STAU2: variants seen among roughly 807,000 people sequenced by gnomAD.
STAU2 encodes staufen double-stranded RNA binding protein 2, also known as double-stranded RNA-binding protein Staufen homolog 2.
In STAU2, 20 loss-of-function variants were observed where a neutral mutation model predicts 65.9. That is an observed-to-expected ratio of 0.30 (90% CI 0.21 to 0.44). The LOEUF is 0.44. Among genes scored for constraint, STAU2 ranks in the 20% least tolerant of loss-of-function variants. The probability of loss-of-function intolerance (pLI) is 1.00; values close to 1 mark genes in which losing one functional copy is unlikely to be tolerated. For synonymous variants in STAU2, 232 were observed against 233.9 expected (o/e 0.99, Z 0.07); for missense variants, 558 against 683.9 (o/e 0.82, Z 2.05).
At chr8:73,425,799 C>G (rs774404414) in intron 13 of STAU2, among the ~76,000 whole-genome samples, 1 of 151,952 alleles carries the variant, frequency 6.6e-6, no homozygotes, top group African/African-American at 2.4e-5. Flanking sequence ...TTTTTTTTCT[C>G]TCTTTTTTTT....
At chr8:73,615,131 AT>A (rs1812737566) in intron 8 of STAU2, among the ~76,000 whole-genome samples, 1 of 152,130 alleles carries the variant, frequency 6.6e-6, no homozygotes, top group African/African-American at 2.4e-5. Context: ...AAGAAGTATT[AT>A]AATAATTATT....
intron 3 of STAU2, among the ~76,000 whole-genome samples, chr8:73,730,200 G>A (rs945894182): frequency 6.6e-6 from 1 of 152,042 alleles, no homozygotes; most frequent in African/African-American, 2.4e-5. Flanking sequence ...CATCATTTAA[G>A]TCACATATAT....
intron 13 of STAU2, among the ~76,000 whole-genome samples, chr8:73,508,041 G>A (rs1299953616): frequency 1.3e-5 from 2 of 152,124 alleles, no homozygotes; most frequent in Non-Finnish European, 2.9e-5. Flanking sequence ...CTTCTGTCCA[G>A]ACCACCTGAA....
chr8:73,746,658 A>C, intron 1 of STAU2, 125 bp downstream of exon 1: 3 of 507,248 alleles, frequency 5.9e-6, no homozygotes, highest in Non-Finnish European at 5.9e-6. Context: ...GGAGGCCGCG[A>C]AGGGGGCTGC....
intron 13 of STAU2, among the ~76,000 whole-genome samples, chr8:73,513,717 A>T (rs549896093): frequency 6.6e-6 from 1 of 152,280 alleles, no homozygotes; most frequent in African/African-American, 2.4e-5. Flanking sequence ...CCTCAGGTTC[A>T]CTGAGTTGCT....
chr8:73,463,367 C>T (rs1585808171), intron 13 of STAU2, among the ~76,000 whole-genome samples: 1 of 152,208 alleles, frequency 6.6e-6, no homozygotes, highest in Non-Finnish European at 1.5e-5. Context: ...AAACTGTATT[C>T]CCCATATCTA....
At chr8:73,530,963 A>C (rs952999039) in intron 13 of STAU2, among the ~76,000 whole-genome samples, 3 of 152,214 alleles carry the variant, frequency 2.0e-5, no homozygotes, top group African/African-American at 7.2e-5. Flanking sequence ...CATGGTGTAC[A>C]TGGAAAAGCA....
intron 3 of STAU2, among the ~76,000 whole-genome samples, chr8:73,709,692 T>C (rs570168368): frequency 1.1e-4 from 16 of 152,162 alleles, no homozygotes; most frequent in Non-Finnish European, 2.4e-4. Flanking sequence ...TCTGTTTTTT[T>C]AAATAAATTT....
rs188165847 is a variant in STAU2, at chr8:73,469,213, T to C, written c.1531-46511A>G. On this transcript the variant is annotated intron_variant, in intron 13 of 14. Coordinates refer to ENST00000524300, the MANE Select transcript of STAU2 (RefSeq NM_001164380.2). ...AGCAAACTATCACAAGGACAAAAAATCAAACACCGCATGTTCTCACTCATA... is the reference window on the plus strand; with the variant it reads ...AGCAAACTATCACAAGGACAAAAAACCAAACACCGCATGTTCTCACTCATA... 4.4e-3 allele frequency among the ~76,000 whole-genome samples: 665 copies of C among 151,682 alleles called. 7 individuals are homozygous for C. The highest frequency in any genetic ancestry group is 0.015 in the African/African-American group (623 of 41,330).
At chr8:73,678,336 A>T (rs1818159804) in intron 5 of STAU2, among the ~76,000 whole-genome samples, 1 of 152,058 alleles carries the variant, frequency 6.6e-6, no homozygotes, top group Non-Finnish European at 1.5e-5. Flanking sequence ...CCTACTAGTC[A>T]TTTACCTGCT....
intron 13 of STAU2, among the ~76,000 whole-genome samples, chr8:73,469,195 T>C (rs1819833422): frequency 6.6e-6 from 1 of 152,044 alleles, no homozygotes; most frequent in Non-Finnish European, 1.5e-5. Context: ...CTCAGCAAAC[T>C]ATCACAAGGA....
intron 13 of STAU2, chr8:73,550,956 C>G (rs1807291578): frequency 1.0e-6 from 1 of 985,240 alleles, no homozygotes; most frequent in Non-Finnish European, 1.2e-6. Flanking sequence ...CATGATCATT[C>G]TACACAATAC....
intron 1 of STAU2, among the ~76,000 whole-genome samples, chr8:73,744,436 C>T (rs531378971): frequency 1.6e-3 from 231 of 144,862 alleles, no homozygotes; most frequent in Non-Finnish European, 2.3e-3. Context: ...CAGCACTGAA[C>T]GTGCACAAAA....
chr8:73,575,076 GAGA>G, intron 12 of STAU2, among the ~76,000 whole-genome samples: 1 of 145,630 alleles, frequency 6.9e-6, no homozygotes, highest in East Asian at 2.0e-4. Context: ...AAAGAAAACA[GAGA>G]AGAATTTTCA....
At position 73,422,675 on chromosome 8, in the gene STAU2, A is replaced by T; in HGVS notation, c.1558T>A (p.Ser520Thr). 1 of 1,506,578 alleles carries T rather than the reference A, an allele frequency of 6.6e-7. No homozygotes were observed. The highest frequency in any genetic ancestry group is 8.8e-7 in the Non-Finnish European group (1 of 1,135,410). 93.3% of individuals were successfully genotyped at this position (1,506,578 alleles called of 1,614,324 possible). The part of the protein sequence containing the change: ...QAALSALKQF[S>T]EQGLDPIDGA... ...TCGATTGGATCCAGTCCTTGTTCAG[A>T]AAATTGTTTCAAGGCACTTAAGGCT... is the stretch of plus-strand genomic sequence containing the variant. The change falls in exon 14 of 15, where the codon TCT becomes ACT. Residue 520 changes from serine (S) to threonine (T), a missense_variant. Ser to Thr is a moderately conservative substitution (Grantham distance 58, BLOSUM62 1). Transcript: ENST00000524300.
At chr8:73,564,756 A>G (rs1233913888) in intron 12 of STAU2, among the ~76,000 whole-genome samples, 1 of 152,210 alleles carries the variant, frequency 6.6e-6, no homozygotes. Context: ...GAGAAAAAAA[A>G]TCAAATCCCA....
intron 6 of STAU2, among the ~76,000 whole-genome samples, chr8:73,645,912 T>G (rs373781910): frequency 1.3e-5 from 2 of 152,130 alleles, no homozygotes; most frequent in African/African-American, 4.8e-5. Context: ...AAACCATTCA[T>G]GAGAAACCAT....
At chr8:73,438,768 T>C (rs1817899478) in intron 13 of STAU2, among the ~76,000 whole-genome samples, 1 of 152,196 alleles carries the variant, frequency 6.6e-6, no homozygotes, top group Admixed American at 6.5e-5. Flanking sequence ...TCAGGCTCCC[T>C]GATACTCAGG....
chr8:73,603,585 G>A, intron 10 of STAU2, 141 bp downstream of exon 10: 1 of 1,076,970 alleles, frequency 9.3e-7, no homozygotes, highest in Non-Finnish European at 1.3e-6. Flanking sequence ...AAGTTGGTAG[G>A]TGAGCCTGGA....
Sources: allele counts gnomAD v4.1 joint callset (sites outside exome capture counted in the v4.1 genomes callset), GRCh38; gene constraint gnomAD v4.1.1; transcripts MANE v1.5; gene names NCBI Gene and HGNC (gene_info 2026-07-23, HGNC 2026-07-21).